Variants in CACNA2D3 observed in about 807,000 individuals in gnomAD.
CACNA2D3 encodes voltage-dependent calcium channel subunit alpha-2/delta-3.
CACNA2D3 carries 60 observed loss-of-function variants against 160.6 expected under a neutral mutation model. That is an observed-to-expected ratio of 0.37 (90% CI 0.30 to 0.46). CACNA2D3 has a LOEUF of 0.46. Ranked by LOEUF, CACNA2D3 falls within the 20% of genes least tolerant of loss-of-function variation. CACNA2D3 has a pLI of 1.00. For missense variants in CACNA2D3, 1,205 were observed against 1,365.0 expected, an observed-to-expected ratio of 0.88 and a Z score of 1.85; for synonymous variants, 558 against 492.9, an observed-to-expected ratio of 1.13 and a Z score of -1.75.
chr3:54,956,374 G>A (rs940341694), intron 27 of CACNA2D3, among the ~76,000 whole-genome samples: 1 of 152,202 alleles, frequency 6.6e-6, no homozygotes, highest in African/African-American at 2.4e-5. Context: ...CACCACCAAG[G>A]GGACAATTTT....
chr3:54,185,366 C>T (rs767403842), intron 2 of CACNA2D3, among the ~76,000 whole-genome samples: 8 of 151,864 alleles, frequency 5.3e-5, no homozygotes, highest in Non-Finnish European at 1.0e-4. Context: ...TAATTTTTTC[C>T]CAAGTATTTG....
chr3:55,036,206 G>T (rs1221010570), intron 35 of CACNA2D3, among the ~76,000 whole-genome samples: 42 of 152,078 alleles, frequency 2.8e-4, no homozygotes, highest in Admixed American at 2.8e-3. Flanking sequence ...CAGCACTTTG[G>T]GAGGCCAGGG....
At chr3:54,291,022 C>T (rs1018633304) in intron 2 of CACNA2D3, among the ~76,000 whole-genome samples, 5 of 152,026 alleles carry the variant, frequency 3.3e-5, no homozygotes, top group South Asian at 2.1e-4. Context: ...CAACCCTGCA[C>T]GTTGTGCACA....
At chr3:54,773,676 A>C (rs1702361957) in intron 13 of CACNA2D3, among the ~76,000 whole-genome samples, 1 of 152,216 alleles carries the variant, frequency 6.6e-6, no homozygotes, top group Admixed American at 6.5e-5. Context: ...GATTACTGTT[A>C]TGATTATTTT....
chr3:54,779,085 C>A (rs1702482482), intron 13 of CACNA2D3, among the ~76,000 whole-genome samples: 1 of 151,966 alleles, frequency 6.6e-6, no homozygotes, highest in South Asian at 2.1e-4. Flanking sequence ...TTACTTTTGC[C>A]CACTGTTACA....
chr3:54,138,320 A>G (rs1396802967), intron 2 of CACNA2D3, among the ~76,000 whole-genome samples: 1 of 152,210 alleles, frequency 6.6e-6, no homozygotes, highest in East Asian at 1.9e-4. Flanking sequence ...TGGAGATGGC[A>G]TGCTGGGGAG....
chr3:54,722,918 C>T (rs1026635718), intron 11 of CACNA2D3, among the ~76,000 whole-genome samples: 24 of 152,290 alleles, frequency 1.6e-4, no homozygotes, highest in African/African-American at 3.6e-4. Context: ...AGAGCTCGAA[C>T]GCCGTACTGG....
intron 14 of CACNA2D3, among the ~76,000 whole-genome samples, chr3:54,829,213 A>T (rs1008035720): frequency 1.3e-5 from 2 of 152,184 alleles, no homozygotes; most frequent in Admixed American, 6.5e-5. Context: ...GTGGATTTTC[A>T]CCTGTGTTCT....
intron 2 of CACNA2D3, among the ~76,000 whole-genome samples, chr3:54,286,991 C>A (rs1158720690): frequency 6.6e-6 from 1 of 152,182 alleles, no homozygotes; most frequent in African/African-American, 2.4e-5. Context: ...TTGAAAAGAC[C>A]ATCAAGGCTA....
At chr3:54,871,474 A>C (rs975973750) in intron 17 of CACNA2D3, 65 bp from the exon 18 acceptor site, 9 of 1,256,236 alleles carry the variant, frequency 7.2e-6, no homozygotes, top group Non-Finnish European at 9.2e-6. Context: ...GAAGGTAAAG[A>C]TTGCCCTGGC....
intron 13 of CACNA2D3, among the ~76,000 whole-genome samples, chr3:54,783,400 G>A (rs1370923317): frequency 6.6e-6 from 1 of 152,126 alleles, no homozygotes; most frequent in African/African-American, 2.4e-5. Context: ...GAGGTCAGGA[G>A]TTCAAAACCA....
At chr3:54,507,947 C>G (rs1365330485) in intron 5 of CACNA2D3, among the ~76,000 whole-genome samples, 1 of 152,220 alleles carries the variant, frequency 6.6e-6, no homozygotes, top group Non-Finnish European at 1.5e-5. Flanking sequence ...ATCCAGGACT[C>G]AAGTGCTGTG....
chr3:55,040,725 G>A lies in CACNA2D3; in HGVS notation c.2987+22408G>A, dbSNP rs537046437. ...CATTTGAAATACTTTTTGCTTTGTG[G>A]GGTTACTCCAACAATTTCTTATACA... On this transcript the variant is annotated intron_variant, in intron 35 of 37. Coordinates refer to ENST00000474759, the MANE Select transcript of CACNA2D3 (RefSeq NM_018398.3). 4.3e-4 allele frequency among the ~76,000 whole-genome samples: 65 copies of A among 152,108 alleles called. No homozygotes were observed. In the South Asian group the frequency reaches 0.013, roughly 31 times the overall value.
chr3:54,849,316 C>A (rs766356204), intron 17 of CACNA2D3, among the ~76,000 whole-genome samples: 1 of 152,148 alleles, frequency 6.6e-6, no homozygotes, highest in African/African-American at 2.4e-5. Context: ...GCATGAATAC[C>A]CGTGGCTCTG....
chr3:54,408,097 A>G (rs1474573964), intron 4 of CACNA2D3, among the ~76,000 whole-genome samples: 1 of 152,178 alleles, frequency 6.6e-6, no homozygotes, highest in Admixed American at 6.5e-5. Context: ...GATATTAAAG[A>G]TGTGATGATG....
chr3:54,319,201 C>CACACACACACACATA (rs1559448362), intron 2 of CACNA2D3, among the ~76,000 whole-genome samples: 1 of 146,794 alleles, frequency 6.8e-6, no homozygotes, highest in East Asian at 2.0e-4. Context: ...CACACACACA[C>CACACACACACACATA]CCTTCCTCGA....
chr3:54,780,179 C>T (rs887644658), intron 13 of CACNA2D3, among the ~76,000 whole-genome samples: 1 of 152,214 alleles, frequency 6.6e-6, no homozygotes, highest in Admixed American at 6.5e-5. Flanking sequence ...AAAATATTGT[C>T]TCCAAAATGC....
intron 3 of CACNA2D3, among the ~76,000 whole-genome samples, chr3:54,373,588 A>C (rs1017281907): frequency 1.3e-5 from 2 of 152,234 alleles, no homozygotes; most frequent in African/African-American, 4.8e-5. Context: ...TGTGTGGTCC[A>C]GGAAAGGGAT....
intron 11 of CACNA2D3, among the ~76,000 whole-genome samples, chr3:54,686,137 C>T (rs868475917): frequency 6.4e-4 from 97 of 152,340 alleles, no homozygotes; most frequent in African/African-American, 2.0e-3. Context: ...AAAATACAAT[C>T]TGTGGGCCAA....
Sources: gnomAD v4.1 joint callset for allele counts (sites outside exome capture counted in the v4.1 genomes callset) on GRCh38, gnomAD v4.1.1 for gene constraint, MANE v1.5 for transcripts, NCBI Gene and HGNC (gene_info 2026-07-23, HGNC 2026-07-21) for gene names.